PCBP3: variants seen among roughly 807,000 people sequenced by gnomAD.
PCBP3 encodes poly(rC)-binding protein 3.
Under a neutral mutation model 52.7 loss-of-function variants are expected in PCBP3, and 25 were observed. The ratio of observed to expected loss-of-function variants is 0.47; its 90% CI spans 0.35 to 0.66. PCBP3 has a LOEUF of 0.66. Among genes scored for constraint, PCBP3 ranks in the 30% least tolerant of loss-of-function variants. The probability of loss-of-function intolerance (pLI) is 0.01; values close to 1 mark genes in which losing one functional copy is unlikely to be tolerated. For synonymous variants in PCBP3, 162 were observed against 183.0 expected, an observed-to-expected ratio of 0.89 and a Z score of 0.93; for missense variants, 391 against 490.3, an observed-to-expected ratio of 0.80 and a Z score of 1.91.
chr21:45,826,431 A>C (rs979707199), intron 4 of PCBP3, among the ~76,000 whole-genome samples: 4 of 152,194 alleles, frequency 2.6e-5, no homozygotes. Flanking sequence ...CAGTGAAAGA[A>C]GCTTGACATG....
At chr21:45,765,736 AT>A (rs1317702474) in intron 4 of PCBP3, among the ~76,000 whole-genome samples, 1 of 152,188 alleles carries the variant, frequency 6.6e-6, no homozygotes, top group Non-Finnish European at 1.5e-5. Context: ...GTTTAGGGCT[AT>A]GGGGACTTCC....
At chr21:45,925,196 C>T (rs899035630) in intron 13 of PCBP3, among the ~76,000 whole-genome samples, 1 of 151,756 alleles carries the variant, frequency 6.6e-6, no homozygotes, top group African/African-American at 2.4e-5. Context: ...CACGTAAGGT[C>T]GGGTGTGCGT....
intron 1 of PCBP3, among the ~76,000 whole-genome samples, chr21:45,644,579 G>C (rs2079135737): frequency 6.6e-6 from 1 of 152,154 alleles, no homozygotes; most frequent in South Asian, 2.1e-4. Flanking sequence ...ACTGGCATAA[G>C]AAATTTGAAA....
At chr21:45,766,912 A>G (rs959460415) in intron 4 of PCBP3, among the ~76,000 whole-genome samples, 6 of 152,062 alleles carry the variant, frequency 3.9e-5, no homozygotes, top group African/African-American at 9.7e-5. Flanking sequence ...AACAACAACA[A>G]CAAGAGTGGT....
At chr21:45,819,387 A>G (rs969139966) in intron 4 of PCBP3, among the ~76,000 whole-genome samples, 29 of 152,248 alleles carry the variant, frequency 1.9e-4, no homozygotes, top group African/African-American at 4.6e-4. Flanking sequence ...AGCGCTGGTT[A>G]TGTATTTGCT....
chr21:45,715,851 A>G (rs1458506631), intron 2 of PCBP3, among the ~76,000 whole-genome samples: 1 of 152,042 alleles, frequency 6.6e-6, no homozygotes, highest in Admixed American at 6.5e-5. Flanking sequence ...TTATTGTTCT[A>G]GGAATTCTTT....
At chr21:45,895,002 A>T (rs1167203928) in intron 5 of PCBP3, among the ~76,000 whole-genome samples, 1 of 152,218 alleles carries the variant, frequency 6.6e-6, no homozygotes, top group Non-Finnish European at 1.5e-5. Context: ...AGTGACCTAT[A>T]CATGTGTTTT....
At chr21:45,876,823 G>A (rs1356085612) in intron 5 of PCBP3, among the ~76,000 whole-genome samples, 1 of 152,254 alleles carries the variant, frequency 6.6e-6, no homozygotes, top group Middle Eastern at 3.2e-3. Flanking sequence ...GAGGCCGTGA[G>A]TGCAGCCCTG....
In PCBP3 at chr21:45,917,741, A is replaced by G. The variant is rs760152984; in HGVS notation, c.717+112A>G. 112 of 901,086 alleles carry G rather than the reference A, an allele frequency of 1.2e-4. No individual in the cohort carries two copies. The highest frequency in any genetic ancestry group is 9.5e-4 in the South Asian group (72 of 75,978). The allele number at this position is 901,086 out of a possible 1,614,324, so 55.8% of individuals were successfully genotyped here. On this transcript the variant is annotated intron_variant, in intron 13 of 17. Transcript: ENST00000681687. This position sits in a 1 kb window ranked among gnomAD's most constrained non-coding sequence, Gnocchi z 5.3. ...TAATATTACACAATAATATTAATCA[A>G]CTTCTCAGCGTTCCTGACCTGTGTC...
chr21:45,720,859 T>C (rs1371607238), intron 2 of PCBP3, among the ~76,000 whole-genome samples: 1 of 152,216 alleles, frequency 6.6e-6, no homozygotes, highest in African/African-American at 2.4e-5. Flanking sequence ...CTAAGATGAT[T>C]TGGACCTTGA....
At chr21:45,671,984 G>A (rs1173498663) in intron 2 of PCBP3, among the ~76,000 whole-genome samples, 1 of 152,102 alleles carries the variant, frequency 6.6e-6, no homozygotes, top group African/African-American at 2.4e-5. Flanking sequence ...GAGTGCTATG[G>A]TTTGAATATT....
intron 5 of PCBP3, among the ~76,000 whole-genome samples, chr21:45,877,355 C>T (rs539663368): frequency 6.6e-5 from 10 of 152,230 alleles, no homozygotes; most frequent in Admixed American, 1.3e-4. Flanking sequence ...CCTGTGTGGC[C>T]GCTGTTTCAT....
At chr21:45,695,326 A>G (rs1218433812) in intron 2 of PCBP3, among the ~76,000 whole-genome samples, 1 of 152,168 alleles carries the variant, frequency 6.6e-6, no homozygotes, top group African/African-American at 2.4e-5. Flanking sequence ...CTTCTCTTCC[A>G]GGTTTCAGGG....
At chr21:45,686,681 G>A (rs1327202909) in intron 2 of PCBP3, among the ~76,000 whole-genome samples, 1 of 152,102 alleles carries the variant, frequency 6.6e-6, no homozygotes, top group African/African-American at 2.4e-5. Context: ...AGGGCAACAT[G>A]AACATAGTAT....
chr21:45,691,854 T>C (rs1228958848), intron 2 of PCBP3, among the ~76,000 whole-genome samples: 1 of 151,770 alleles, frequency 6.6e-6, no homozygotes, highest in Admixed American at 6.6e-5. Flanking sequence ...ACTAAAGGAG[T>C]CCCCAGCACA....
intron 4 of PCBP3, among the ~76,000 whole-genome samples, chr21:45,778,749 G>A (rs1014355858): frequency 1.3e-5 from 2 of 152,194 alleles, no homozygotes; most frequent in African/African-American, 4.8e-5. Flanking sequence ...AATAGGGTAA[G>A]AGGGTGAAAT....
chr21:45,723,964 C>A (rs1326819485), intron 2 of PCBP3, among the ~76,000 whole-genome samples: 1 of 152,102 alleles, frequency 6.6e-6, no homozygotes, highest in African/African-American at 2.4e-5. Flanking sequence ...ATCTTCCTTG[C>A]CCGTCCTCCT....
chr21:45,646,087 C>CTCTCTCTCTCTCTCTCTCTT (rs2079256547), intron 1 of PCBP3, among the ~76,000 whole-genome samples: 5 of 84,618 alleles, frequency 5.9e-5, no homozygotes, highest in African/African-American at 2.0e-4. Flanking sequence ...CTCTCTTTCT[C>CTCTCTCTCTCTCTCTCTCTT]TCTCTCTCTC....
intron 4 of PCBP3, among the ~76,000 whole-genome samples, chr21:45,784,382 A>ACCTCTACCTCTACCTCTC (rs2090899034): frequency 8.6e-6 from 1 of 116,618 alleles, no homozygotes; most frequent in Non-Finnish European, 2.0e-5. Flanking sequence ...CTCTACCTCT[A>ACCTCTACCTCTACCTCTC]CCTCTACCTC....
Sources: gnomAD v4.1 joint callset for allele counts (sites outside exome capture counted in the v4.1 genomes callset) on GRCh38, gnomAD v4.1.1 for gene constraint, Gnocchi (gnomAD v3.1) non-coding constraint, MANE v1.5 for transcripts, NCBI Gene and HGNC (gene_info 2026-07-23, HGNC 2026-07-21) for gene names.